Variants in PAPSS2 observed in about 807,000 individuals in gnomAD.
PAPSS2 encodes 3'-phosphoadenosine 5'-phosphosulfate synthase 2.
In PAPSS2, 61 loss-of-function variants were observed where a neutral mutation model predicts 66.5. The observed-to-expected ratio is 0.92, with a 90% CI of 0.75 to 1.14. The LOEUF is 1.14. PAPSS2 is among the 50% of genes most tolerant of loss of function. The pLI, the probability that PAPSS2 is intolerant of heterozygous loss-of-function variation, is 0.00. For missense variants in PAPSS2, 708 were observed against 789.6 expected (o/e 0.90, Z 1.24); for synonymous variants, 289 against 287.5 (o/e 1.01, Z -0.05).
At chr10:87,700,394 TG>T (rs1393118977) in intron 1 of PAPSS2, among the ~76,000 whole-genome samples, 1 of 152,178 alleles carries the variant, frequency 6.6e-6, no homozygotes, top group African/African-American at 2.4e-5. Flanking sequence ...TAGTGGTTCA[TG>T]CCTGTAATCC....
At chr10:87,671,841 G>A (rs1253509971) in intron 1 of PAPSS2, among the ~76,000 whole-genome samples, 1 of 152,040 alleles carries the variant, frequency 6.6e-6, no homozygotes, top group African/African-American at 2.4e-5. Context: ...CTAGTGTTAG[G>A]AGGGGCAGCT....
At chr10:87,671,354 G>T (rs193202324) in intron 1 of PAPSS2, among the ~76,000 whole-genome samples, 1 of 152,308 alleles carries the variant, frequency 6.6e-6, no homozygotes, top group East Asian at 1.9e-4. Context: ...GTAATCTTTA[G>T]AAGATGTAGA....
chr10:87,678,830 G>A (rs1852982007), intron 1 of PAPSS2, among the ~76,000 whole-genome samples: 1 of 152,148 alleles, frequency 6.6e-6, no homozygotes, highest in Non-Finnish European at 1.5e-5. Context: ...CACTGTTGGT[G>A]GGAATGTAAA....
Position 87,721,763 on chromosome 10 carries a change from C to T in PAPSS2, c.873C>T (p.Ala291=). ...GTGTTTATATTTCCCTAGGCATGGCCCTTCCTGGTATGTACTTTAACTTTC... is the reference window on the plus strand; with the variant it reads ...GTGTTTATATTTCCCTAGGCATGGCTCTTCCTGGTATGTACTTTAACTTTC... ...MHFDTLLDGM[A]LPDGVINMSI... is the part of the protein sequence containing the mutation. The change falls in exon 8 of 13, where the codon GCC becomes GCT. Residue 291 remains alanine, a synonymous_variant. Transcript: ENST00000456849. 8 of 1,525,178 alleles carry T rather than the reference C, an allele frequency of 5.2e-6. No individual in the cohort carries two copies. The highest frequency in any genetic ancestry group is 7.1e-6 in the Non-Finnish European group (8 of 1,124,596). 94.5% of individuals were successfully genotyped at this position (1,525,178 alleles called of 1,614,324 possible). A position where few individuals can be genotyped will look rare whatever the true frequency, so the allele number is the denominator to read the frequency against.
intron 10 of PAPSS2, 86 bp from the exon 11 acceptor site, chr10:87,743,287 T>C (rs1377549633): frequency 8.2e-7 from 1 of 1,220,062 alleles, no homozygotes; most frequent in Non-Finnish European, 1.2e-6. Flanking sequence ...CACAGAACAA[T>C]AAACATAGCT....
At chr10:87,740,904 T>C (rs952464383) in intron 9 of PAPSS2, among the ~76,000 whole-genome samples, 4 of 152,228 alleles carry the variant, frequency 2.6e-5, no homozygotes. Context: ...AAAAATGTTA[T>C]ATATGTTAAC....
intron 2 of PAPSS2, among the ~76,000 whole-genome samples, chr10:87,712,798 C>T (rs1853478671): frequency 6.6e-6 from 1 of 151,974 alleles, no homozygotes; most frequent in East Asian, 1.9e-4. Context: ...ACTCTGCAGC[C>T]CAAACAGAAC....
At chr10:87,728,794 A>G (rs990277406) in intron 9 of PAPSS2, among the ~76,000 whole-genome samples, 1 of 151,934 alleles carries the variant, frequency 6.6e-6, no homozygotes, top group Non-Finnish European at 1.5e-5. Context: ...ATCCAGCCTC[A>G]TGACCCTGTC....
chr10:87,668,684 G>A (rs920220547), intron 1 of PAPSS2, among the ~76,000 whole-genome samples: 1 of 150,308 alleles, frequency 6.7e-6, no homozygotes, highest in African/African-American at 2.5e-5. Context: ...GTGTGTGTGT[G>A]TGTGTGTTTA....
chr10:87,741,976 T>C (rs1853875915), intron 10 of PAPSS2, among the ~76,000 whole-genome samples: 1 of 152,094 alleles, frequency 6.6e-6, no homozygotes, highest in African/African-American at 2.4e-5. Context: ...CAGGCTGGTC[T>C]TGAACTCCTG....
intron 1 of PAPSS2, among the ~76,000 whole-genome samples, chr10:87,683,212 C>T (rs564590861): frequency 1.3e-5 from 2 of 151,926 alleles, no homozygotes; most frequent in Non-Finnish European, 2.9e-5. Flanking sequence ...CCTGCCTCAG[C>T]CTCCTGAGTA....
At chr10:87,743,216 G>A (rs1157153676) in intron 10 of PAPSS2, among the ~76,000 whole-genome samples, 157 bp from the exon 11 acceptor site, 1 of 148,196 alleles carries the variant, frequency 6.7e-6, no homozygotes, top group Non-Finnish European at 1.5e-5. Flanking sequence ...CTGCACTCCA[G>A]CCTGGGCAAC....
chr10:87,737,900 A>G (rs1254319370), intron 9 of PAPSS2, among the ~76,000 whole-genome samples: 3 of 152,012 alleles, frequency 2.0e-5, no homozygotes, highest in Non-Finnish European at 4.4e-5. Flanking sequence ...CTACCATTGC[A>G]CTCTCTGTTT....
At chr10:87,709,000 G>T (rs1853429782) in intron 1 of PAPSS2, among the ~76,000 whole-genome samples, 196 bp from the exon 2 acceptor site, 1 of 152,072 alleles carries the variant, frequency 6.6e-6, no homozygotes, top group Non-Finnish European at 1.5e-5. Flanking sequence ...GTAGCTAATG[G>T]CTCAGGGTAA....
intron 1 of PAPSS2, among the ~76,000 whole-genome samples, chr10:87,665,903 T>G (rs1053163091): frequency 7.2e-5 from 11 of 152,312 alleles, no homozygotes; most frequent in African/African-American, 2.2e-4. Context: ...TCTTGCTTTC[T>G]TCCAGATTTT....
intron 1 of PAPSS2, among the ~76,000 whole-genome samples, chr10:87,706,108 A>ATATATGTGTGTGTG: frequency 2.5e-4 from 13 of 52,002 alleles, no homozygotes; most frequent in African/African-American, 1.2e-3. Context: ...ATATATATAT[A>ATATATGTGTGTGTG]TGTGTGTGTG....
chr10:87,729,432 T>A (rs950930796), intron 9 of PAPSS2, among the ~76,000 whole-genome samples: 1 of 152,178 alleles, frequency 6.6e-6, no homozygotes, highest in Non-Finnish European at 1.5e-5. Flanking sequence ...GATGTTACTA[T>A]TGTAATTGTT....
chr10:87,701,217 T>G (rs1350576974), intron 1 of PAPSS2, among the ~76,000 whole-genome samples: 1 of 148,948 alleles, frequency 6.7e-6, no homozygotes, highest in Non-Finnish European at 1.5e-5. Flanking sequence ...TATGTTTTTA[T>G]TTATATAATA....
intron 1 of PAPSS2, among the ~76,000 whole-genome samples, chr10:87,685,497 C>T (rs1239020618): frequency 1.3e-5 from 2 of 152,092 alleles, no homozygotes; most frequent in East Asian, 1.9e-4. Flanking sequence ...GCCTGTGCAA[C>T]ATAGCAAGAC....
Sources: allele counts gnomAD v4.1 joint callset (sites outside exome capture counted in the v4.1 genomes callset), GRCh38; gene constraint gnomAD v4.1.1; transcripts MANE v1.5; gene names NCBI Gene and HGNC (gene_info 2026-07-23, HGNC 2026-07-21).